The following PVR variants were observed in gnomAD, a reference collection of about 807,000 sequenced individuals.
PVR encodes poliovirus receptor.
A neutral mutation model predicts 43.3 loss-of-function variants in PVR; 39 were observed. The observed-to-expected ratio is 0.90, with a 90% CI of 0.70 to 1.18. The LOEUF is 1.18. Among genes scored for constraint, PVR ranks in the 50% most tolerant of loss-of-function variants. The pLI is 0.00. For missense variants in PVR, 480 were observed against 549.7 expected, an observed-to-expected ratio of 0.87 and a Z score of 1.27; for synonymous variants, 224 against 233.2, an observed-to-expected ratio of 0.96 and a Z score of 0.36.
intron 4 of PVR, among the ~76,000 whole-genome samples, chr19:44,655,105 T>A (rs75012759): frequency 6.6e-6 from 1 of 152,130 alleles, no homozygotes; most frequent in Non-Finnish European, 1.5e-5. Context: ...CCTTTTTTTT[T>A]AAAGAAGGGG....
chr19:44,650,239 AC>A, intron 3 of PVR, 134 bp downstream of exon 3: 2 of 795,354 alleles, frequency 2.5e-6, no homozygotes, highest in African/African-American at 1.8e-5. Flanking sequence ...TGTCTACACG[AC>A]CCACCCCCAT....
chr19:44,648,041 G>A lies in PVR; in HGVS notation c.427+471G>A, dbSNP rs141443981. On this transcript the variant is annotated intron_variant, in intron 2 of 7. Transcript: ENST00000425690. ...ACTGTGTACCCATGAGGGCAGAACC[G>A]GGGCTATTTTGATCACTGCTGGGCC... is the stretch of plus-strand genomic sequence containing the variant. 4.0e-3 allele frequency among the ~76,000 whole-genome samples: 603 copies of A among 152,190 alleles called. 7 individuals carry two copies. The highest frequency in any genetic ancestry group is 7.9e-3 in the East Asian group (41 of 5,176).
intron 4 of PVR, among the ~76,000 whole-genome samples, chr19:44,654,771 G>A (rs1973394081): frequency 1.3e-5 from 2 of 152,098 alleles, no homozygotes; most frequent in South Asian, 4.1e-4. Flanking sequence ...ATTAGCTATT[G>A]TTAGTGTTAG....
intron 1 of PVR, among the ~76,000 whole-genome samples, chr19:44,646,217 AC>A (rs148971121): frequency 0.013 from 2,053 of 152,316 alleles, 19 homozygotes; most frequent in South Asian, 0.027. Flanking sequence ...AGGTTAAGTA[AC>A]CGGCCTGAAG....
rs1184425116 is a variant in PVR, at chr19:44,654,018, G to A, written c.842+1G>A. On this transcript the variant is annotated splice_donor_variant, in intron 4 of 7. Transcript: ENST00000425690. LOFTEE classifies it high-confidence loss of function. Reference sequence around the variant, plus strand: ...AGCCCACAGGCTATAATTGGAGCACGTGAGTCCTGGGTCTCAGGGAGGAGG... The same window carrying A: ...AGCCCACAGGCTATAATTGGAGCACATGAGTCCTGGGTCTCAGGGAGGAGG... The A allele has an allele frequency of 1.9e-6, 3 of 1,608,118 alleles. No individual in the cohort carries two copies. The highest frequency in any genetic ancestry group is 2.7e-5 in the African/African-American group (2 of 74,936).
chr19:44,659,918 G>C (rs1973550276), intron 6 of PVR, among the ~76,000 whole-genome samples: 1 of 152,186 alleles, frequency 6.6e-6, no homozygotes, highest in Admixed American at 6.5e-5. Flanking sequence ...TGGTTGTTGG[G>C]GAGAAGAAGC....
chr19:44,645,415 G>A (rs203704), intron 1 of PVR, among the ~76,000 whole-genome samples: 1,250 of 83,700 alleles, frequency 0.015, 54 homozygotes, highest in African/African-American at 0.067. Flanking sequence ...TATGTTTTGT[G>A]TATATATATA....
At chr19:44,658,138 CCTCT>C (rs982950904) in intron 5 of PVR, among the ~76,000 whole-genome samples, 21 of 152,180 alleles carry the variant, frequency 1.4e-4, no homozygotes, top group South Asian at 2.1e-4. Context: ...ATGTGGAATC[CCTCT>C]CTCTCAGGGA....
rs1973604108 is a variant in PVR, at chr19:44,661,984, CT to C, written c.*174del. Reference sequence around the variant, plus strand: ...AAGTTCATAGGTCTCCAAGACCACCCTCCTTTCATTTGCTAGAAGGACTCAC... The same window carrying C: ...AAGTTCATAGGTCTCCAAGACCACCCCCTTTCATTTGCTAGAAGGACTCAC... On this transcript the variant is annotated 3_prime_UTR_variant, in exon 8 of 8. Transcript: ENST00000425690. The C allele has an allele frequency of 2.6e-5, 16 of 606,596 alleles. No individual in the cohort carries two copies. In the South Asian group the frequency reaches 2.8e-4, roughly 10 times the overall value. 37.6% of individuals were successfully genotyped at this position (606,596 alleles called of 1,614,324 possible). A position where few individuals can be genotyped will look rare whatever the true frequency, so the allele number is the denominator to read the frequency against.
intron 4 of PVR, among the ~76,000 whole-genome samples, chr19:44,657,170 C>A (rs967044760): frequency 6.6e-6 from 1 of 152,144 alleles, no homozygotes; most frequent in Admixed American, 6.5e-5. Flanking sequence ...CATTTCTATC[C>A]ATCAGTCCCT....
chr19:44,654,357 T>C (rs1197030332), intron 4 of PVR, among the ~76,000 whole-genome samples: 8 of 152,172 alleles, frequency 5.3e-5, no homozygotes, highest in Admixed American at 5.2e-4. Context: ...CCTGGACTCC[T>C]GGTCTAAGAG....
intron 6 of PVR, 78 bp from the exon 7 acceptor site, chr19:44,661,214 C>G: frequency 3.6e-6 from 5 of 1,399,438 alleles, no homozygotes; most frequent in Non-Finnish European, 5.1e-6. Context: ...TTTTCAGGGC[C>G]CTGACACCCA....
At chr19:44,648,000 C>G (rs369157509) in intron 2 of PVR, among the ~76,000 whole-genome samples, 1 of 152,144 alleles carries the variant, frequency 6.6e-6, no homozygotes, top group Non-Finnish European at 1.5e-5. Flanking sequence ...AGGAAAGAGT[C>G]TGTCTGCCCC....
intron 6 of PVR, 62 bp downstream of exon 6, chr19:44,658,962 C>T (rs1206424853): frequency 1.3e-6 from 2 of 1,501,490 alleles, no homozygotes; most frequent in Admixed American, 3.6e-5. Flanking sequence ...TGAGTCCTTC[C>T]AGTGTGCCTC....
intron 7 of PVR, 31 bp downstream of exon 7, chr19:44,661,354 TG>T (rs1407721822): frequency 6.2e-7 from 1 of 1,611,206 alleles, no homozygotes; most frequent in Non-Finnish European, 8.5e-7. Context: ...AAGGAGGGTG[TG>T]GGGTCTGCAC....
chr19:44,661,933 G>T lies in PVR; in HGVS notation c.*122G>T. 1 of 923,794 alleles carries T rather than the reference G, an allele frequency of 1.1e-6. No homozygotes were observed. The highest frequency in any genetic ancestry group is 1.7e-6 in the Non-Finnish European group (1 of 598,854). The allele number at this position is 923,794 out of a possible 1,614,324, so 57.2% of individuals were successfully genotyped here. On this transcript the variant is annotated 3_prime_UTR_variant, in exon 8 of 8. Coordinates refer to ENST00000425690, the MANE Select transcript of PVR (RefSeq NM_006505.5). ...GAGACCAGCCTCCCTCCCTGTGCCA[G>T]ACCTCAAAACGACGGGGGCAGGTGC...
At chr19:44,655,190 T>C (rs1157926876) in intron 4 of PVR, among the ~76,000 whole-genome samples, 1 of 152,052 alleles carries the variant, frequency 6.6e-6, no homozygotes, top group Non-Finnish European at 1.5e-5. Flanking sequence ...GCTCAGGTGA[T>C]CCTCCCACCT....
At position 44,645,225 on chromosome 19, in the gene PVR, AT is replaced by A. The variant is rs1254679088; in HGVS notation, c.79+1052del. On this transcript the variant is annotated intron_variant, in intron 1 of 7. Transcript: ENST00000425690. ...ATGTATATTATATATTATATATATT[AT>A]TATAATATATAATATGTATTATGTA... Among the ~76,000 whole-genome samples the A allele has an allele frequency of 1.0e-4, 10 of 96,266 alleles. No individual in the cohort carries two copies. The South Asian group carries it at 1.3e-3, about 13-fold the overall frequency. 63.2% of individuals were successfully genotyped at this position (96,266 alleles called of 152,430 possible). A position where few individuals can be genotyped will look rare whatever the true frequency, so the allele number is the denominator to read the frequency against.
rs1973648928 is a variant in PVR at position 44,663,982 on chromosome 19, T to G, written c.*2171T>G. On this transcript the variant is annotated 3_prime_UTR_variant, in exon 8 of 8. Transcript: ENST00000425690. ...TTAGAAGATAAAAAGACATGAGGGA[T>G]CCATTCTAATTTGTGTTTGGAGTGT... is the stretch of plus-strand genomic sequence containing the variant. 2.0e-5 allele frequency: 3 copies of G among 152,150 alleles called. No individual in the cohort carries two copies. The highest frequency in any genetic ancestry group is 1.3e-4 in the Admixed American group (2 of 15,272). 9.4% of individuals were successfully genotyped at this position (152,150 alleles called of 1,614,324 possible). A position where few individuals can be genotyped will look rare whatever the true frequency, so the allele number is the denominator to read the frequency against.
Sources: gnomAD v4.1 joint callset for allele counts (sites outside exome capture counted in the v4.1 genomes callset) on GRCh38, gnomAD v4.1.1 for gene constraint, MANE v1.5 for transcripts, NCBI Gene and HGNC (gene_info 2026-07-23, HGNC 2026-07-21) for gene names.